The following PLD5 variants were observed in gnomAD, a reference collection of about 807,000 sequenced individuals.
The protein encoded by PLD5 is phospholipase D family member 5.
PLD5 carries 36 observed loss-of-function variants against 61.1 expected under a neutral mutation model. The ratio of observed to expected loss-of-function variants is 0.59; its 90% confidence interval spans 0.45 to 0.78. PLD5 has a LOEUF of 0.78. Among genes scored for constraint, PLD5 ranks in the 30% least tolerant of loss-of-function variants. The pLI is 0.00. For missense variants in PLD5, 515 were observed against 644.4 expected (o/e 0.80, Z 2.17); for synonymous variants, 243 against 242.8 (o/e 1.00, Z -0.01).
At chr1:242,429,172 T>G (rs1665584821) in intron 1 of PLD5, among the ~76,000 whole-genome samples, 1 of 152,226 alleles carries the variant, frequency 6.6e-6, no homozygotes, top group Non-Finnish European at 1.5e-5. Flanking sequence ...AGCTTGATCT[T>G]GAAAAAGTTC....
chr1:242,486,755 T>C (rs1318820110), intron 1 of PLD5, among the ~76,000 whole-genome samples: 10 of 152,178 alleles, frequency 6.6e-5, no homozygotes, highest in Non-Finnish European at 1.2e-4. Flanking sequence ...TAAAGACACA[T>C]GCACACGTAT....
intron 2 of PLD5, among the ~76,000 whole-genome samples, chr1:242,328,338 G>A (rs920138917): frequency 2.2e-4 from 33 of 151,778 alleles, no homozygotes; most frequent in East Asian, 3.9e-4. Context: ...TTTTACATAC[G>A]TGTGTTCTAC....
intron 5 of PLD5, among the ~76,000 whole-genome samples, chr1:242,215,230 A>C (rs77069503): frequency 0.095 from 14,472 of 151,970 alleles, 859 homozygotes; most frequent in South Asian, 0.22. Context: ...GATGGCCCAC[A>C]AAAATTAAAA....
intron 1 of PLD5, among the ~76,000 whole-genome samples, chr1:242,445,302 C>G (rs1291075920): frequency 6.6e-6 from 1 of 152,194 alleles, no homozygotes; most frequent in Non-Finnish European, 1.5e-5. Flanking sequence ...AAACCCTGAT[C>G]TTGGATTTCC....
chr1:242,229,417 C>G (rs931939789), intron 4 of PLD5, among the ~76,000 whole-genome samples: 1 of 152,136 alleles, frequency 6.6e-6, no homozygotes, highest in Non-Finnish European at 1.5e-5. Context: ...AAAATGGATA[C>G]TTGTGAATCT....
At chr1:242,113,387 A>C (rs1197855961) in intron 7 of PLD5, among the ~76,000 whole-genome samples, 1 of 152,146 alleles carries the variant, frequency 6.6e-6, no homozygotes, top group East Asian at 1.9e-4. Context: ...GCCACCGCAC[A>C]TGGCCTCTTT....
intron 1 of PLD5, among the ~76,000 whole-genome samples, chr1:242,377,929 G>A (rs1455577480): frequency 2.6e-5 from 4 of 152,196 alleles, no homozygotes; most frequent in Admixed American, 2.6e-4. Context: ...AATGTAAAAT[G>A]TTGCAACCAC....
intron 1 of PLD5, among the ~76,000 whole-genome samples, chr1:242,515,373 C>T (rs1669072480): frequency 6.6e-6 from 1 of 152,142 alleles, no homozygotes; most frequent in African/African-American, 2.4e-5. Flanking sequence ...CCACCACACT[C>T]AGCTAATTTT....
intron 5 of PLD5, among the ~76,000 whole-genome samples, chr1:242,201,966 G>A (rs974290952): frequency 6.6e-6 from 1 of 152,144 alleles, no homozygotes; most frequent in Non-Finnish European, 1.5e-5. Flanking sequence ...TGTAATCCCA[G>A]CACTTTGGGA....
In PLD5 at chr1:242,097,504, G is replaced by T. The variant is rs12069369; in HGVS notation, c.1354+3164C>A. ...TTTGCATTTCTCTGATGGCCAGTGA[G>T]GATGAGCATTTTTTCATGTGTCTTT... On this transcript the variant is annotated intron_variant, in intron 9 of 9. Coordinates refer to ENST00000536534, the MANE Select transcript of PLD5 (RefSeq NM_001372062.1). Among the ~76,000 whole-genome samples, 1,033 of 152,246 alleles carry T rather than the reference G, an allele frequency of 6.8e-3. 11 individuals carry two copies. The highest frequency in any genetic ancestry group is 0.023 in the African/African-American group (973 of 41,536).
chr1:242,312,336 A>G (rs1370870058), intron 2 of PLD5, among the ~76,000 whole-genome samples: 1 of 152,030 alleles, frequency 6.6e-6, no homozygotes, highest in Non-Finnish European at 1.5e-5. Flanking sequence ...CTCTAAGCAG[A>G]GGAAGACCTT....
chr1:242,376,910 G>T, intron 1 of PLD5: 3 of 1,592,524 alleles, frequency 1.9e-6, no homozygotes, highest in South Asian at 2.3e-5. Flanking sequence ...TTTCCTCATG[G>T]ATCATCTGTG....
chr1:242,447,589 T>C (rs1203566896), intron 1 of PLD5, among the ~76,000 whole-genome samples: 1 of 152,240 alleles, frequency 6.6e-6, no homozygotes, highest in Non-Finnish European at 1.5e-5. Flanking sequence ...ACAAAGCTTT[T>C]ATTTTAATGT....
At chr1:242,279,655 T>A (rs1244598612) in intron 3 of PLD5, among the ~76,000 whole-genome samples, 1 of 152,040 alleles carries the variant, frequency 6.6e-6, no homozygotes, top group Non-Finnish European at 1.5e-5. Flanking sequence ...CGCCTCAGCC[T>A]CCTAAGTACC....
intron 3 of PLD5, among the ~76,000 whole-genome samples, chr1:242,277,941 C>A (rs1486702707): frequency 3.3e-5 from 5 of 152,176 alleles, no homozygotes; most frequent in Non-Finnish European, 7.3e-5. Flanking sequence ...TGAGATCACG[C>A]CACTGCACTC....
chr1:242,345,768 G>A (rs1425364619), intron 2 of PLD5: 15 of 593,180 alleles, frequency 2.5e-5, no homozygotes, highest in Non-Finnish European at 4.1e-5. Flanking sequence ...GAAACAACAG[G>A]TTGGAAACTG....
intron 1 of PLD5, among the ~76,000 whole-genome samples, chr1:242,397,875 C>T (rs1663690896): frequency 6.7e-6 from 1 of 150,084 alleles, no homozygotes; most frequent in Admixed American, 6.7e-5. Context: ...AAGGGAGAAA[C>T]ACATTGGAAA....
rs996793562 is a variant in PLD5 at position 242,086,858 on chromosome 1, T to C, written c.*2996A>G. 1 of 152,186 alleles carries C rather than the reference T, an allele frequency of 6.6e-6. No individual in the cohort carries two copies. The allele number at this position is 152,186 out of a possible 1,614,324, so 9.4% of individuals were successfully genotyped here. A position where few individuals can be genotyped will look rare whatever the true frequency, so the allele number is the denominator to read the frequency against. On this transcript the variant is annotated 3_prime_UTR_variant, in exon 10 of 10. Transcript: ENST00000536534. ...GCCTCTTGGGAAATAAATCCAGGAA[T>C]GTTAATGGGGAGTAGTCACCCTGCT... is the stretch of plus-strand genomic sequence containing the variant.
chr1:242,298,408 G>A (rs2149156072), intron 2 of PLD5, among the ~76,000 whole-genome samples: 1 of 152,294 alleles, frequency 6.6e-6, no homozygotes, highest in African/African-American at 2.4e-5. Context: ...TGCAAGATAG[G>A]GAGGATCTTA....
Sources: allele counts gnomAD v4.1 joint callset (sites outside exome capture counted in the v4.1 genomes callset), GRCh38; gene constraint gnomAD v4.1.1; transcripts MANE v1.5; gene names NCBI Gene and HGNC (gene_info 2026-07-23, HGNC 2026-07-21).